TENM3: variants seen among roughly 807,000 people sequenced by gnomAD.
TENM3 encodes teneurin-3.
In TENM3, 63 loss-of-function variants were observed where a neutral mutation model predicts 255.1. The observed-to-expected ratio is 0.25, with a 90% confidence interval of 0.20 to 0.30. The LOEUF is 0.30. TENM3 is among the 10% of genes least tolerant of loss of function. The pLI is 1.00. For synonymous variants in TENM3, 1,306 were observed against 1,322.3 expected, an observed-to-expected ratio of 0.99 and a Z score of 0.27; for missense variants, 2,929 against 3,461.1, an observed-to-expected ratio of 0.85 and a Z score of 3.86.
intron 4 of TENM3, among the ~76,000 whole-genome samples, chr4:182,619,203 G>A (rs754035418): frequency 3.9e-5 from 6 of 151,984 alleles, no homozygotes; most frequent in African/African-American, 1.2e-4. Context: ...CGAGGCAAGC[G>A]GATCACGAGG....
chr4:182,192,064 G>A (rs930928306), intron 1 of TENM3, among the ~76,000 whole-genome samples: 2 of 152,220 alleles, frequency 1.3e-5, no homozygotes, highest in South Asian at 2.1e-4. Context: ...AAATAGAGGG[G>A]AAGAAGCTCC....
chr4:182,570,301 G>A (rs147906000), intron 3 of TENM3, among the ~76,000 whole-genome samples: 100 of 152,286 alleles, frequency 6.6e-4, no homozygotes, highest in African/African-American at 2.4e-3. Flanking sequence ...TATTGATTGG[G>A]AGGGGAAGCC....
chr4:181,812,118 C>T, the TENM3 span, among the ~76,000 whole-genome samples: 16 of 152,256 alleles, frequency 1.1e-4, no homozygotes, highest in South Asian at 8.3e-4. Context: ...CAAAATGACA[C>T]AAATCTGGCC....
chr4:181,830,939 T>C, the TENM3 span, among the ~76,000 whole-genome samples: 1 of 152,262 alleles, frequency 6.6e-6, no homozygotes, highest in African/African-American at 2.4e-5. Flanking sequence ...TCTGGGGGAC[T>C]TTTTCCTACA....
intron 1 of TENM3, among the ~76,000 whole-genome samples, chr4:182,173,135 G>C (rs1450021405): frequency 6.6e-6 from 1 of 152,190 alleles, no homozygotes; most frequent in Non-Finnish European, 1.5e-5. Flanking sequence ...TCAAATGGGA[G>C]TGGAGAATGA....
the TENM3 span, among the ~76,000 whole-genome samples, chr4:181,844,844 C>T: frequency 4.6e-4 from 70 of 152,226 alleles, no homozygotes; most frequent in African/African-American, 1.6e-3. Context: ...TCCATAAAAA[C>T]GCATTTAAAT....
At chr4:182,387,280 A>C (rs1768017955) in intron 3 of TENM3, among the ~76,000 whole-genome samples, 1 of 152,078 alleles carries the variant, frequency 6.6e-6, no homozygotes, top group Admixed American at 6.5e-5. Context: ...ACCAATCGAC[A>C]CTCTGTATCT....
chr4:182,336,865 G>A (rs1334135603), intron 2 of TENM3, among the ~76,000 whole-genome samples: 1 of 79,758 alleles, frequency 1.3e-5, no homozygotes, highest in Non-Finnish European at 2.6e-5. Context: ...TTTTTTTCTT[G>A]TGTTCCATTG....
chr4:182,652,478 G>T lies in TENM3; in HGVS notation c.989-1293G>T, dbSNP rs568448837. The stretch of plus-strand genomic sequence containing the variant: ...CATATGCCCTGTCTAGAATCTTCTG[G>T]CCTACACCTTCTCACCTGAGCTTAA... On this transcript the variant is annotated intron_variant, in intron 5 of 27. Coordinates refer to ENST00000511685, the MANE Select transcript of TENM3 (RefSeq NM_001080477.4). Among the ~76,000 whole-genome samples the T allele has an allele frequency of 2.6e-5, 4 of 152,236 alleles. No individual in the cohort carries two copies. The East Asian group carries it at 7.7e-4, about 29-fold the overall frequency.
At chr4:182,235,635 T>C (rs1756849001) in intron 1 of TENM3, among the ~76,000 whole-genome samples, 2 of 151,778 alleles carry the variant, frequency 1.3e-5, no homozygotes, top group Non-Finnish European at 2.9e-5. Context: ...GAGCCATCTC[T>C]CACAAGCTGG....
At chr4:182,249,631 C>A (rs972534316) in intron 1 of TENM3, among the ~76,000 whole-genome samples, 1 of 152,150 alleles carries the variant, frequency 6.6e-6, no homozygotes, top group African/African-American at 2.4e-5. Flanking sequence ...CGTCCCCCCA[C>A]AGTGAGGGCA....
In TENM3 at chr4:182,360,865, G is replaced by T. The variant is rs909617630; in HGVS notation, c.511+13936G>T. On this transcript the variant is annotated intron_variant, in intron 3 of 27. Transcript: ENST00000511685. The stretch of plus-strand genomic sequence containing the variant: ...GATTTTGCAGTGGCTGGTACTAGTT[G>T]TTCCTTTCCATGTGTAGTGCTTCCT... Among the ~76,000 whole-genome samples, 3 of 152,152 alleles carry T rather than the reference G, an allele frequency of 2.0e-5. 1 individual carries two copies. Among genetic ancestry groups the T allele is most frequent in the Non-Finnish European group, 2.9e-5 (2 of 68,028 alleles).
the TENM3 span, among the ~76,000 whole-genome samples, chr4:181,790,240 G>T: frequency 0.18 from 26,849 of 152,068 alleles, 3,077 homozygotes; most frequent in Non-Finnish European, 0.26. Context: ...CCACACGTGG[G>T]TTCTGCACTG....
At chr4:182,672,885 CAGAAGATGAA>C in intron 6 of TENM3, 110 bp from the exon 7 acceptor site, 1 of 696,234 alleles carries the variant, frequency 1.4e-6, no homozygotes, top group Non-Finnish European at 2.4e-6. Context: ...AGTAATATAT[CAGAAGATGAA>C]ATGGCTTGAG....
the TENM3 span, among the ~76,000 whole-genome samples, chr4:181,920,691 C>G: frequency 6.6e-6 from 1 of 151,542 alleles, no homozygotes; most frequent in African/African-American, 2.4e-5. Context: ...GTTGCCTGTT[C>G]ACTCTGATGG....
chr4:182,325,440 C>T (rs1374759106), intron 2 of TENM3, among the ~76,000 whole-genome samples: 1 of 152,160 alleles, frequency 6.6e-6, no homozygotes, highest in Non-Finnish European at 1.5e-5. Flanking sequence ...CTAAAGCATG[C>T]CTTACTAATT....
chr4:182,790,950 C>G (rs1215206313), intron 25 of TENM3, among the ~76,000 whole-genome samples: 1 of 152,152 alleles, frequency 6.6e-6, no homozygotes, highest in Non-Finnish European at 1.5e-5. Context: ...AGACAACAGA[C>G]AGATCTTTCT....
At chr4:181,541,501 T>C in the TENM3 span, among the ~76,000 whole-genome samples, 1 of 152,114 alleles carries the variant, frequency 6.6e-6, no homozygotes, top group African/African-American at 2.4e-5. Context: ...TTTAGATGAG[T>C]CATGGAACTC....
intron 1 of TENM3, among the ~76,000 whole-genome samples, chr4:182,180,304 C>T (rs141099967): frequency 4.1e-4 from 62 of 152,216 alleles, no homozygotes; most frequent in Admixed American, 2.9e-3. Context: ...TTATGGAGGA[C>T]GATAATCTCA....
Sources: allele counts gnomAD v4.1 joint callset (sites outside exome capture counted in the v4.1 genomes callset), GRCh38; gene constraint gnomAD v4.1.1; transcripts MANE v1.5; gene names NCBI Gene and HGNC (gene_info 2026-07-23, HGNC 2026-07-21).